Variants in LIFR observed in about 807,000 individuals in gnomAD.
The protein encoded by LIFR is LIF receptor subunit alpha, also known as leukemia inhibitory factor receptor.
Under a neutral mutation model 122.2 loss-of-function variants are expected in LIFR, and 84 were observed. The observed-to-expected ratio is 0.69, with a 90% CI of 0.58 to 0.82. LIFR has a LOEUF of 0.82. Among genes scored for constraint, LIFR ranks in the 40% least tolerant of loss-of-function variants. The pLI, the probability that LIFR is intolerant of heterozygous loss-of-function variation, is 0.00. For missense variants in LIFR, 1,294 were observed against 1,311.6 expected (o/e 0.99, Z 0.21); for synonymous variants, 422 against 434.7 (o/e 0.97, Z 0.36).
chr5:38,506,418 T>G, intron 8 of LIFR, 85 bp downstream of exon 8: 17 of 1,476,580 alleles, frequency 1.2e-5, no homozygotes, highest in Non-Finnish European at 1.5e-5. Context: ...GTAACATAAA[T>G]GATCTAGTGC....
At chr5:38,548,276 A>C (rs371845616) in intron 1 of LIFR, among the ~76,000 whole-genome samples, 30 of 152,218 alleles carry the variant, frequency 2.0e-4, no homozygotes, top group Non-Finnish European at 3.5e-4. Context: ...GTGTAATGTA[A>C]GTCATCACTA....
chr5:38,581,697 T>C (rs1311316147), intron 1 of LIFR, among the ~76,000 whole-genome samples: 1 of 152,206 alleles, frequency 6.6e-6, no homozygotes, highest in East Asian at 1.9e-4. Flanking sequence ...TACTGGAATG[T>C]CACGATGAAT....
At chr5:38,534,000 C>T (rs1010608854) in intron 1 of LIFR, among the ~76,000 whole-genome samples, 2 of 152,172 alleles carry the variant, frequency 1.3e-5, no homozygotes, top group Non-Finnish European at 2.9e-5. Flanking sequence ...AGACTCTGAA[C>T]TACTGTAAAG....
rs534905501 is a variant in LIFR at position 38,481,868 on chromosome 5, G to C, written c.3021C>G (p.Leu1007=). The C allele has an allele frequency of 6.2e-7, 1 of 1,614,022 alleles. No individual in the cohort carries two copies. ...GGAGYKPQMH[L]PINSTVEDIA... ...TATCTTCCACAGTAGAATTAATGGGGAGGTGCATCTGTGGCTTATAGCCTG... is the reference window on the plus strand; with the variant it reads ...TATCTTCCACAGTAGAATTAATGGGCAGGTGCATCTGTGGCTTATAGCCTG... The change falls in exon 20 of 20, where the codon CTC becomes CTG. Residue 1007 remains leucine, a synonymous_variant. Transcript: ENST00000453190.
At chr5:38,601,251 AC>A (rs1193420043) in intron 2 of LIFR, among the ~76,000 whole-genome samples, 1 of 152,154 alleles carries the variant, frequency 6.6e-6, no homozygotes, top group Non-Finnish European at 1.5e-5. Flanking sequence ...CTGTCTATGA[AC>A]CAGAAAATAA....
At chr5:38,494,987 T>C (rs1052587060) in intron 13 of LIFR, among the ~76,000 whole-genome samples, 1 of 152,212 alleles carries the variant, frequency 6.6e-6, no homozygotes, top group Non-Finnish European at 1.5e-5. Flanking sequence ...AAGCAACTAC[T>C]ACTAAACGCA....
Position 38,523,604 on chromosome 5 carries a change from G to T in LIFR, c.398-22C>A, listed in dbSNP as rs373035351. ...AAGGCTTTAAAAAGAGGAAACAAAA[G>T]AGAAAACTTAGTAAAATAAGTAATG... On this transcript the variant is annotated intron_variant, in intron 4 of 19. Coordinates refer to ENST00000453190, the MANE Select transcript of LIFR (RefSeq NM_001127671.2). The T allele has an allele frequency of 1.1e-4, 182 of 1,588,984 alleles. 1 individual carries two copies. The highest frequency in any genetic ancestry group is 1.1e-4 in the Non-Finnish European group (132 of 1,157,868).
intron 18 of LIFR, among the ~76,000 whole-genome samples, chr5:38,484,191 C>G (rs766195046): frequency 2.6e-5 from 4 of 152,248 alleles, no homozygotes; most frequent in Non-Finnish European, 4.4e-5. Flanking sequence ...CAGGACGTAG[C>G]CCCCTGCTGG....
At chr5:38,606,745 T>C (rs962859029) in intron 1 of LIFR, among the ~76,000 whole-genome samples, 1 of 152,250 alleles carries the variant, frequency 6.6e-6, no homozygotes, top group Non-Finnish European at 1.5e-5. Context: ...TCCAAATTCA[T>C]GCCTGTCCCA....
chr5:38,551,588 C>G (rs1253911281), intron 1 of LIFR, among the ~76,000 whole-genome samples: 1 of 152,200 alleles, frequency 6.6e-6, no homozygotes, highest in Admixed American at 6.5e-5. Flanking sequence ...TGGAAGAGCA[C>G]CACACATACA....
rs375877105 is a variant in LIFR at position 38,531,830 on chromosome 5, C to G, written c.-19-1164G>C. Among the ~76,000 whole-genome samples the G allele has an allele frequency of 5.0e-4, 76 of 152,260 alleles. 1 individual carries two copies. The South Asian group carries it at 0.015, about 30-fold the overall frequency. On this transcript the variant is annotated intron_variant, in intron 1 of 19. Transcript: ENST00000453190. ...GGCAAGATCTCTTCTCGGCTACTGT[C>G]AAGTACTGTCAAAAACCCAGGAAAT...
chr5:38,541,340 A>G (rs1182687474), intron 1 of LIFR, among the ~76,000 whole-genome samples: 2 of 152,262 alleles, frequency 1.3e-5, no homozygotes, highest in Non-Finnish European at 2.9e-5. Flanking sequence ...GATGATCAAC[A>G]GTACTAAGAA....
chr5:38,568,686 T>C (rs1749108861), intron 1 of LIFR, among the ~76,000 whole-genome samples: 1 of 152,100 alleles, frequency 6.6e-6, no homozygotes, highest in East Asian at 1.9e-4. Context: ...GACTTTTTCT[T>C]CTCCTTCATT....
intron 2 of LIFR, among the ~76,000 whole-genome samples, chr5:38,605,430 G>T (rs1472412578): frequency 6.6e-6 from 1 of 152,000 alleles, no homozygotes; most frequent in African/African-American, 2.4e-5. Flanking sequence ...GTAAAATGGG[G>T]GGTGATAATC....
At chr5:38,597,370 G>A (rs1046048678), upstream of LIFR, among the ~76,000 whole-genome samples, 1 of 152,178 alleles carries the variant, frequency 6.6e-6, no homozygotes, top group African/African-American at 2.4e-5. Context: ...TAGCTCGTGG[G>A]GTGAGAGGAT....
At chr5:38,574,133 C>T (rs1561219758) in intron 1 of LIFR, among the ~76,000 whole-genome samples, 1 of 150,318 alleles carries the variant, frequency 6.7e-6, no homozygotes, top group East Asian at 1.9e-4. Context: ...CACAACAAAA[C>T]AAAAAAAAAG....
At chr5:38,562,363 C>G (rs1277356176) in intron 1 of LIFR, among the ~76,000 whole-genome samples, 1 of 152,198 alleles carries the variant, frequency 6.6e-6, no homozygotes, top group Non-Finnish European at 1.5e-5. Context: ...TCTCCTCTGT[C>G]CCTGCTTTTC....
At chr5:38,587,753 C>A (rs146499518) in intron 1 of LIFR, among the ~76,000 whole-genome samples, 1 of 152,182 alleles carries the variant, frequency 6.6e-6, no homozygotes, top group Non-Finnish European at 1.5e-5. Flanking sequence ...TTGAACCCAG[C>A]GGGCTAGATT....
intron 3 of LIFR, among the ~76,000 whole-genome samples, chr5:38,528,114 A>T (rs1366371159): frequency 6.6e-6 from 1 of 152,148 alleles, no homozygotes; most frequent in Non-Finnish European, 1.5e-5. Flanking sequence ...TCATACATTC[A>T]AGCCATTGTA....
Sources: allele counts gnomAD v4.1 joint callset (sites outside exome capture counted in the v4.1 genomes callset), GRCh38; gene constraint gnomAD v4.1.1; transcripts MANE v1.5; gene names NCBI Gene and HGNC (gene_info 2026-07-23, HGNC 2026-07-21).